Variants in AK8 observed in about 807,000 individuals in gnomAD.
The protein encoded by AK8 is adenylate kinase 8.
AK8 carries 44 observed loss-of-function variants against 54.6 expected under a neutral mutation model. The ratio of observed to expected loss-of-function variants is 0.81; its 90% confidence interval spans 0.63 to 1.04. AK8 has a LOEUF of 1.04. Among genes scored for constraint, AK8 ranks in the 50% least tolerant of loss-of-function variants. The pLI, the probability that AK8 is intolerant of heterozygous loss-of-function variation, is 0.00. For synonymous variants in AK8, 239 were observed against 245.6 expected, an observed-to-expected ratio of 0.97 and a Z score of 0.25; for missense variants, 555 against 613.6, an observed-to-expected ratio of 0.90 and a Z score of 1.01.
At chr9:132,812,372 A>G (rs1841058151) in intron 10 of AK8, among the ~76,000 whole-genome samples, 1 of 151,050 alleles carries the variant, frequency 6.6e-6, no homozygotes. Context: ...CTGGGACTAC[A>G]GGCGCCCACC....
chr9:132,850,780 T>C (rs1842942784), intron 5 of AK8, among the ~76,000 whole-genome samples: 1 of 152,052 alleles, frequency 6.6e-6, no homozygotes, highest in African/African-American at 2.4e-5. Flanking sequence ...GCAATCCTCC[T>C]GCCTTGGCCT....
chr9:132,772,426 G>C (rs1193430681), intron 11 of AK8, among the ~76,000 whole-genome samples: 1 of 152,208 alleles, frequency 6.6e-6, no homozygotes, highest in Non-Finnish European at 1.5e-5. Flanking sequence ...CAATCTGACT[G>C]GAGTCCTTCT....
intron 4 of AK8, among the ~76,000 whole-genome samples, chr9:132,859,009 C>T (rs1395410913): frequency 1.3e-5 from 2 of 152,100 alleles, no homozygotes; most frequent in East Asian, 1.9e-4. Flanking sequence ...AAGGCCTGCT[C>T]GACGCCACTG....
At chr9:132,840,791 G>A (rs1190400878) in intron 5 of AK8, among the ~76,000 whole-genome samples, 6 of 152,158 alleles carry the variant, frequency 3.9e-5, no homozygotes, top group African/African-American at 1.4e-4. Flanking sequence ...TACTTGGGAG[G>A]CTGAGGTGGG....
chr9:132,735,554 T>TAA (rs201875961), intron 11 of AK8, among the ~76,000 whole-genome samples: 1 of 148,930 alleles, frequency 6.7e-6, no homozygotes, highest in Non-Finnish European at 1.5e-5. Flanking sequence ...ATTACACATT[T>TAA]AAAAAAAAAA....
intron 11 of AK8, among the ~76,000 whole-genome samples, chr9:132,732,732 C>T (rs1590165949): frequency 6.6e-6 from 1 of 152,066 alleles, no homozygotes; most frequent in Admixed American, 6.6e-5. Flanking sequence ...TTGTTTGGGG[C>T]CCTGGTTCAA....
chr9:132,835,107 T>C (rs1303506891), intron 5 of AK8, among the ~76,000 whole-genome samples: 1 of 152,188 alleles, frequency 6.6e-6, no homozygotes, highest in Non-Finnish European at 1.5e-5. Context: ...CCTGACCTCA[T>C]GATCCACCCG....
chr9:132,810,541 T>C (rs979888164), intron 10 of AK8, among the ~76,000 whole-genome samples: 1 of 152,172 alleles, frequency 6.6e-6, no homozygotes, highest in Non-Finnish European at 1.5e-5. Context: ...ATAGGTCCCA[T>C]TTACTCAAAA....
intron 3 of AK8, among the ~76,000 whole-genome samples, chr9:132,864,651 G>T (rs1297858583): frequency 6.6e-6 from 1 of 152,214 alleles, no homozygotes; most frequent in Non-Finnish European, 1.5e-5. Flanking sequence ...GGGCACTCAG[G>T]AGTGGGGACA....
intron 11 of AK8, among the ~76,000 whole-genome samples, 198 bp downstream of exon 11, chr9:132,792,436 G>C (rs1839981888): frequency 6.6e-6 from 1 of 152,230 alleles, no homozygotes; most frequent in African/African-American, 2.4e-5. Flanking sequence ...ATCAAGGAGG[G>C]TGAAAGCCAG....
intron 9 of AK8, among the ~76,000 whole-genome samples, chr9:132,819,797 T>A (rs1841496634): frequency 6.6e-6 from 1 of 152,152 alleles, no homozygotes. Context: ...ATAGGGTATG[T>A]TCTTTTACCA....
chr9:132,725,625 C>T lies in AK8; in HGVS notation c.*63G>A, dbSNP rs306524. On this transcript the variant is annotated 3_prime_UTR_variant, in exon 13 of 13. Transcript: ENST00000298545. ...GCTTTTTAGGGGAGCTGTGCCGAGG[C>T]TGGGGGGCTGGGGGCAGGGGATTAA... 4.2e-5 allele frequency: 60 copies of T among 1,425,382 alleles called. 1 individual carries two copies. The South Asian group carries it at 5.7e-4, about 13-fold the overall frequency. 88.3% of individuals were successfully genotyped at this position (1,425,382 alleles called of 1,614,324 possible).
Position 132,804,902 on chromosome 9 carries a change from C to T in AK8, c.979+9736G>A, listed in dbSNP as rs1840645508. 4.6e-5 allele frequency among the ~76,000 whole-genome samples: 7 copies of T among 152,248 alleles called. No individual in the cohort carries two copies. The South Asian group carries it at 1.4e-3, about 32-fold the overall frequency. ...CACCCCTCATGTCCTGCCCCTGCCTCTGCAGGCCCCGCTCACAGCCCAATG... is the reference window on the plus strand; with the variant it reads ...CACCCCTCATGTCCTGCCCCTGCCTTTGCAGGCCCCGCTCACAGCCCAATG... On this transcript the variant is annotated intron_variant, in intron 10 of 12. Transcript: ENST00000298545.
Position 132,857,050 on chromosome 9 carries a change from G to C in AK8, c.334-2125C>G, listed in dbSNP as rs568528866. ...TGGATGGTGCACAGAGGAAAAAGGA[G>C]ACCAGAGAGGCAAGAAGGAGGCGAG... is the stretch of plus-strand genomic sequence containing the variant. On this transcript the variant is annotated intron_variant, in intron 4 of 12. Transcript: ENST00000298545. Among the ~76,000 whole-genome samples, 10 of 152,280 alleles carry C rather than the reference G, an allele frequency of 6.6e-5. No homozygotes were observed. In the East Asian group the frequency reaches 1.5e-3, roughly 24 times the overall value.
chr9:132,848,063 C>T (rs1409547982), intron 5 of AK8, among the ~76,000 whole-genome samples: 1 of 144,550 alleles, frequency 6.9e-6, no homozygotes, highest in African/African-American at 2.5e-5. Context: ...CTGCAGCGAG[C>T]CATGACCGTG....
chr9:132,793,943 C>T (rs190288617), intron 10 of AK8, among the ~76,000 whole-genome samples: 3 of 152,278 alleles, frequency 2.0e-5, no homozygotes, highest in African/African-American at 7.2e-5. Flanking sequence ...GGCAAGCGGG[C>T]CTGAAGCACA....
chr9:132,858,754 T>C (rs1055690185), intron 4 of AK8, among the ~76,000 whole-genome samples: 1 of 151,460 alleles, frequency 6.6e-6, no homozygotes, highest in African/African-American at 2.4e-5. Context: ...CTCCTAGAGT[T>C]TGGGAGGGGG....
intron 5 of AK8, among the ~76,000 whole-genome samples, chr9:132,853,043 T>C (rs1843030796): frequency 6.6e-6 from 1 of 151,666 alleles, no homozygotes; most frequent in African/African-American, 2.4e-5. Context: ...ATCCCAGACA[T>C]GTCATAATTA....
intron 11 of AK8, among the ~76,000 whole-genome samples, chr9:132,746,816 AAAG>A (rs1837675832): frequency 6.6e-6 from 1 of 152,220 alleles, no homozygotes; most frequent in African/African-American, 2.4e-5. Context: ...CTCGAGGATG[AAAG>A]AAGGGCCAAC....
Sources: allele counts gnomAD v4.1 joint callset (sites outside exome capture counted in the v4.1 genomes callset), GRCh38; gene constraint gnomAD v4.1.1; transcripts MANE v1.5; gene names NCBI Gene and HGNC (gene_info 2026-07-23, HGNC 2026-07-21).